The following TXNDC15 variants were observed in gnomAD, a reference collection of about 807,000 sequenced individuals.
TXNDC15 encodes thioredoxin domain-containing protein 15.
Under a neutral mutation model 35.0 loss-of-function variants are expected in TXNDC15, and 24 were observed. The observed-to-expected ratio is 0.68, with a 90% confidence interval of 0.50 to 0.96. The LOEUF (loss-of-function observed/expected upper bound fraction) is 0.96, where lower values mean the gene tolerates loss of function less well. TXNDC15 is among the 40% of genes least tolerant of loss of function. TXNDC15 has a pLI of 0.00. For synonymous variants in TXNDC15, 169 were observed against 174.0 expected, an observed-to-expected ratio of 0.97 and a Z score of 0.23; for missense variants, 385 against 453.3, an observed-to-expected ratio of 0.85 and a Z score of 1.37.
chr5:134,874,145 A>C, upstream of TXNDC15: 1 of 345,430 alleles, frequency 2.9e-6, no homozygotes, highest in Non-Finnish European at 5.2e-6. Context: ...AAAGGAGGCC[A>C]TGGGCCTCTG....
chr5:134,890,950 T>A (rs926304291), intron 2 of TXNDC15, among the ~76,000 whole-genome samples: 2 of 152,228 alleles, frequency 1.3e-5, no homozygotes, highest in African/African-American at 4.8e-5. Flanking sequence ...TTTCTTTGCT[T>A]ATCCATAAAA....
chr5:134,889,558 G>A (rs1295846480), intron 2 of TXNDC15, among the ~76,000 whole-genome samples: 3 of 152,154 alleles, frequency 2.0e-5, no homozygotes, highest in Admixed American at 6.5e-5. Context: ...CTAACCTTTG[G>A]CCAAACATAT....
intron 3 of TXNDC15, among the ~76,000 whole-genome samples, chr5:134,894,030 G>A (rs1750440855): frequency 6.6e-6 from 1 of 152,058 alleles, no homozygotes; most frequent in Non-Finnish European, 1.5e-5. Flanking sequence ...CCCATCCCAG[G>A]CAGCCCAATT....
chr5:134,890,865 TC>T (rs555261856), intron 2 of TXNDC15, among the ~76,000 whole-genome samples: 9 of 152,254 alleles, frequency 5.9e-5, no homozygotes, highest in Non-Finnish European at 4.4e-5. Flanking sequence ...TATGGAATAT[TC>T]TAAATCCTTT....
At chr5:134,881,199 A>ATTTTTTTT (rs1554162551) in intron 1 of TXNDC15, among the ~76,000 whole-genome samples, 24 of 132,504 alleles carry the variant, frequency 1.8e-4, no homozygotes, top group African/African-American at 6.5e-4. Flanking sequence ...TTATTTATTT[A>ATTTTTTTT]TTTTTTTATT....
At chr5:134,896,666 T>C (rs1466664612) in intron 4 of TXNDC15, among the ~76,000 whole-genome samples, 1 of 151,100 alleles carries the variant, frequency 6.6e-6, no homozygotes, top group African/African-American at 2.4e-5. Context: ...TTTTTTTTTT[T>C]TGAGTCTTGC....
At chr5:134,895,368 C>T (rs905537486) in intron 3 of TXNDC15, among the ~76,000 whole-genome samples, 1 of 152,146 alleles carries the variant, frequency 6.6e-6, no homozygotes, top group African/African-American at 2.4e-5. Flanking sequence ...CGTCAGTGTC[C>T]AGCTTTGGTG....
At chr5:134,898,676 G>T (rs1356528667) in intron 4 of TXNDC15, among the ~76,000 whole-genome samples, 1 of 152,158 alleles carries the variant, frequency 6.6e-6, no homozygotes, top group Non-Finnish European at 1.5e-5. Flanking sequence ...TTTATTCAGT[G>T]CTCTAAGAAA....
chr5:134,881,972 G>T (rs947708063), intron 1 of TXNDC15, among the ~76,000 whole-genome samples: 15 of 151,672 alleles, frequency 9.9e-5, no homozygotes, highest in African/African-American at 3.6e-4. Flanking sequence ...TCCCGGACGG[G>T]GTGGCTGCCG....
chr5:134,896,538 G>A (rs1449994940), intron 4 of TXNDC15, 114 bp downstream of exon 4: 7 of 1,315,960 alleles, frequency 5.3e-6, no homozygotes, highest in African/African-American at 1.5e-5. Context: ...CTGACTTTGA[G>A]TTGTAAAACT....
chr5:134,876,643 TTGGTCATCA>T (rs1437935948), intron 1 of TXNDC15, among the ~76,000 whole-genome samples: 1 of 152,108 alleles, frequency 6.6e-6, no homozygotes, highest in Non-Finnish European at 1.5e-5. Flanking sequence ...GCTTGGGTCT[TTGGTCATCA>T]TGGCCAGGCC....
intron 1 of TXNDC15, among the ~76,000 whole-genome samples, chr5:134,876,385 A>G (rs1166005398): frequency 2.0e-5 from 3 of 152,218 alleles, no homozygotes; most frequent in Non-Finnish European, 2.9e-5. Context: ...ATTGAATTCT[A>G]GAAAGCTGCC....
intron 1 of TXNDC15, chr5:134,875,013 GCC>G (rs1317084099): frequency 2.5e-6 from 1 of 402,320 alleles, no homozygotes. Flanking sequence ...AGATGCTCAG[GCC>G]CCGCCTAAGT....
intron 1 of TXNDC15, 121 bp downstream of exon 1, chr5:134,874,651 G>C: frequency 1.3e-6 from 1 of 782,630 alleles, no homozygotes; most frequent in Non-Finnish European, 1.9e-6. Context: ...GCGTCTCCCC[G>C]GGCGCGTCTC....
chr5:134,897,825 A>G (rs995530923), intron 4 of TXNDC15, among the ~76,000 whole-genome samples: 2 of 151,972 alleles, frequency 1.3e-5, no homozygotes, highest in African/African-American at 2.4e-5. Context: ...CCTGGCCAAC[A>G]TGGCGAAACC....
At chr5:134,886,373 G>A (rs542397240) in intron 1 of TXNDC15, among the ~76,000 whole-genome samples, 5 of 152,358 alleles carry the variant, frequency 3.3e-5, no homozygotes, top group African/African-American at 9.6e-5. Context: ...GTGAGCTTTC[G>A]TGAGGGCTGC....
chr5:134,893,704 C>CAGTTATTTGGAGGTCCTAATTAGTTA (rs2150189652), intron 3 of TXNDC15, 49 bp downstream of exon 3: 3 of 1,609,900 alleles, frequency 1.9e-6, no homozygotes, highest in Non-Finnish European at 2.5e-6. Context: ...CTGATGGTTG[C>CAGTTATTTGGAGGTCCTAATTAGTTA]AGTTATTTGG....
rs999625319 is a variant in TXNDC15 at position 134,888,068 on chromosome 5, C to T, written c.477C>T (p.Ala159=). Residue 159 remains alanine (A), a synonymous_variant, in exon 2 of 5, where the codon GCC becomes GCT. Transcript: ENST00000358387. ...TEPEVAESDA[A]PTEDSNNTES... ...CAGAAGTGGCGGAATCTGACGCAGC[C>T]CCGACAGAGGACTCCAATAACACTG... 3.1e-6 allele frequency: 5 copies of T among 1,614,104 alleles called. No individual in the cohort carries two copies. Among genetic ancestry groups the T allele is most frequent in the South Asian group, 2.2e-5 (2 of 91,084 alleles).
intron 2 of TXNDC15, 69 bp downstream of exon 2, chr5:134,888,251 C>A: frequency 7.2e-7 from 1 of 1,392,050 alleles, no homozygotes; most frequent in Non-Finnish European, 9.8e-7. Flanking sequence ...ACCCTATCAA[C>A]TTTGAAATGG....
Sources: gnomAD v4.1 joint callset for allele counts (sites outside exome capture counted in the v4.1 genomes callset) on GRCh38, gnomAD v4.1.1 for gene constraint, MANE v1.5 for transcripts, NCBI Gene and HGNC (gene_info 2026-07-23, HGNC 2026-07-21) for gene names.